The following ICE1 variants were observed in gnomAD, a reference collection of about 807,000 sequenced individuals.
ICE1 encodes the protein interactor of little elongation complex ELL subunit 1.
In ICE1, 64 loss-of-function variants were observed where a neutral mutation model predicts 192.7. The ratio of observed to expected loss-of-function variants is 0.33; its 90% CI spans 0.27 to 0.41. The LOEUF (loss-of-function observed/expected upper bound fraction) is 0.41. Ranked by LOEUF, ICE1 falls within the 10% of genes least tolerant of loss-of-function variation. The probability of loss-of-function intolerance (pLI) is 1.00; values close to 1 mark genes in which losing one functional copy is unlikely to be tolerated. For missense variants in ICE1, 2,708 were observed against 2,696.0 expected, an observed-to-expected ratio of 1.00 and a Z score of -0.10; for synonymous variants, 1,010 against 984.5, an observed-to-expected ratio of 1.03 and a Z score of -0.49.
Position 5,461,863 on chromosome 5 carries a change from T to C in ICE1, c.2529T>C (p.Asn843=), listed in dbSNP as rs72646682. 3,837 of 1,613,870 alleles carry C rather than the reference T, an allele frequency of 2.4e-3. 11 individuals are homozygous for C. Among genetic ancestry groups the C allele is most frequent in the Non-Finnish European group, 2.9e-3 (3,435 of 1,179,882 alleles). ...PKPDLLRENN[N]PVEFKTTASV... Reference sequence around the variant, plus strand: ...CTGATCTTCTTAGAGAAAATAACAATCCTGTAGAATTCAAGACCACTGCAT... The same window carrying C: ...CTGATCTTCTTAGAGAAAATAACAACCCTGTAGAATTCAAGACCACTGCAT... The change falls in exon 13 of 19, where the codon AAT becomes AAC. Residue 843 remains asparagine (N), a synonymous_variant. Coordinates refer to ENST00000296564, the MANE Select transcript of ICE1 (RefSeq NM_015325.3).
chr5:5,481,256 G>T (rs538076327), intron 17 of ICE1, among the ~76,000 whole-genome samples: 19 of 152,058 alleles, frequency 1.2e-4, no homozygotes, highest in South Asian at 6.2e-4. Context: ...AAAACAATAT[G>T]GTATTTTTTT....
intron 16 of ICE1, among the ~76,000 whole-genome samples, chr5:5,474,547 GCTCT>G (rs1358926859): frequency 6.6e-6 from 1 of 152,172 alleles, no homozygotes; most frequent in Non-Finnish European, 1.5e-5. Context: ...AGAAAATTAA[GCTCT>G]CTGACATTCA....
chr5:5,448,735 C>T (rs1348705834), intron 10 of ICE1, among the ~76,000 whole-genome samples: 2 of 152,026 alleles, frequency 1.3e-5, no homozygotes, highest in Non-Finnish European at 2.9e-5. Context: ...TAGAAGTCAC[C>T]TTTACCTTTT....
In ICE1 at chr5:5,480,484, G is replaced by A. The variant is rs1172386864; in HGVS notation, c.6520+4405G>A. On this transcript the variant is annotated intron_variant, in intron 17 of 18. Transcript: ENST00000296564. ...AGGATGGTCTCGATCTCCTGACCTC[G>A]TGATCCACCCACCTCGGCCTCCCAA... is the stretch of plus-strand genomic sequence containing the variant. Among the ~76,000 whole-genome samples, 11 of 152,064 alleles carry A rather than the reference G, an allele frequency of 7.2e-5. No homozygotes were observed. The South Asian group carries it at 1.7e-3, about 23-fold the overall frequency.
intron 1 of ICE1, among the ~76,000 whole-genome samples, chr5:5,424,130 G>A (rs1737439539): frequency 6.6e-6 from 1 of 152,194 alleles, no homozygotes; most frequent in Non-Finnish European, 1.5e-5. Context: ...AGCAGAACAT[G>A]GTATGGTTGG....
intron 17 of ICE1, among the ~76,000 whole-genome samples, chr5:5,484,742 C>T (rs1157981144): frequency 2.6e-5 from 4 of 152,168 alleles, no homozygotes; most frequent in Admixed American, 6.5e-5. Flanking sequence ...ATTACTTAAG[C>T]GTCCCATGCC....
At position 5,447,429 on chromosome 5, in the gene ICE1, G is replaced by A. The variant is rs762351006; in HGVS notation, c.427G>A (p.Ala143Thr). ...LEAKVKKLQE[A>T]AVKQTQDFKQ... ...CTATTGCTTCATTGGACTTAAAGAG[G>A]CTGCTGTCAAGCAAACTCAGGACTT... is the stretch of plus-strand genomic sequence containing the variant. The change falls in exon 8 of 19, where the codon GCT becomes ACT. Residue 143 changes from alanine (A) to threonine (T), a missense_variant and splice_region_variant. Coordinates refer to ENST00000296564, the MANE Select transcript of ICE1 (RefSeq NM_015325.3). 7 of 1,550,134 alleles carry A rather than the reference G, an allele frequency of 4.5e-6. No individual in the cohort carries two copies. The highest frequency in any genetic ancestry group is 8.7e-7 in the Non-Finnish European group (1 of 1,145,776).
In ICE1 at chr5:5,463,265, T is replaced by C; in HGVS notation, c.3931T>C (p.Ser1311Pro). The stretch of plus-strand genomic sequence containing the variant: ...AAGTCCATTTCGGGAAACGACTGGC[T>C]CCTCATCACATGCTTCAGAACCAAC... ...EKSPFRETTG[S>P]SSHASEPTPQ... The change falls in exon 13 of 19, where the codon TCC (serine) becomes CCC (proline). Residue 1311 changes from serine to proline, a missense_variant. By Grantham distance (74) the Ser-to-Pro change is moderately conservative (BLOSUM62 -1). Around this residue, in one of 2 missense-constraint regions of ICE1, gnomAD observed 2,366 missense variants for 2,276.6 expected, o/e 1.04. Transcript: ENST00000296564. 4 of 1,613,232 alleles carry C rather than the reference T, an allele frequency of 2.5e-6. No homozygotes were observed. Among genetic ancestry groups the C allele is most frequent in the Non-Finnish European group, 3.4e-6 (4 of 1,179,684 alleles).
chr5:5,463,158 A>G lies in ICE1; in HGVS notation c.3824A>G (p.Glu1275Gly). The change falls in exon 13 of 19, where the codon GAA (glutamate) becomes GGA (glycine). Residue 1275 changes from glutamate (E) to glycine (G), a missense_variant. Glu to Gly is a moderately conservative substitution (Grantham distance 98). Around this residue, in one of 2 missense-constraint regions of ICE1, gnomAD observed 2,366 missense variants for 2,276.6 expected, o/e 1.04. Coordinates refer to ENST00000296564, the MANE Select transcript of ICE1 (RefSeq NM_015325.3). ...KIRQELQTNS[E>G]DCNGKDTGSL... ...AGGCAAGAACTTCAAACAAATTCTGAAGATTGCAATGGTAAAGATACTGGC... is the reference window on the plus strand; with the variant it reads ...AGGCAAGAACTTCAAACAAATTCTGGAGATTGCAATGGTAAAGATACTGGC... 1.2e-6 allele frequency: 2 copies of G among 1,612,418 alleles called. No homozygotes were observed. Among genetic ancestry groups the G allele is most frequent in the Non-Finnish European group, 1.7e-6 (2 of 1,179,294 alleles).
At chr5:5,479,198 A>G (rs1038465279) in intron 17 of ICE1, among the ~76,000 whole-genome samples, 1 of 152,238 alleles carries the variant, frequency 6.6e-6, no homozygotes, top group Non-Finnish European at 1.5e-5. Flanking sequence ...CAATCTATCC[A>G]TCTGACAAAG....
At chr5:5,484,905 G>A (rs150097939) in intron 17 of ICE1, among the ~76,000 whole-genome samples, 1,777 of 152,260 alleles carry the variant, frequency 0.012, 11 homozygotes, top group Non-Finnish European at 0.019. Context: ...AGATATGTTC[G>A]CAATTCTCCT....
intron 10 of ICE1, among the ~76,000 whole-genome samples, chr5:5,451,206 T>C (rs571405347): frequency 3.9e-4 from 60 of 152,270 alleles, no homozygotes; most frequent in African/African-American, 1.4e-3. Context: ...ATTGAAATAC[T>C]AAACTGTTTT....
chr5:5,487,611 T>G (rs1462283214), intron 18 of ICE1, among the ~76,000 whole-genome samples: 3 of 152,244 alleles, frequency 2.0e-5, no homozygotes, highest in Non-Finnish European at 2.9e-5. Flanking sequence ...GGATAGCTGC[T>G]GAAGTGGTAC....
rs1188356320 is a variant in ICE1 at position 5,437,118 on chromosome 5, T to C, written c.178+4T>C. 1 of 1,534,792 alleles carries C rather than the reference T, an allele frequency of 6.5e-7. No individual in the cohort carries two copies. Among genetic ancestry groups the C allele is most frequent in the Non-Finnish European group, 8.9e-7 (1 of 1,126,124 alleles). ...GAATATCAGAAGAAATGTGATGATA[T>C]CCTTTTACTGGCTTTTTCTGTTGAG... On this transcript the variant is annotated splice_donor_region_variant and intron_variant, in intron 3 of 18. Coordinates refer to ENST00000296564, the MANE Select transcript of ICE1 (RefSeq NM_015325.3).
Position 5,447,482 on chromosome 5 carries a change from A to G in ICE1, c.480A>G (p.Ile160Met). ...DFKQLRNEKK[I>M]LEKEFKKTQE... ...AGCAACTGAGAAATGAAAAGAAAAT[A>G]CTTGAAAAGGAATTTAAGAAGACAC... The change falls in exon 8 of 19, where the codon ATA (isoleucine) becomes ATG (methionine). Residue 160 changes from isoleucine to methionine, a missense_variant. Physicochemically the swap from Ile to Met is conservative, Grantham distance 10. This residue lies in a region of ICE1 where 2,366 missense variants were observed against 2,276.6 expected (regional missense o/e 1.04). Transcript: ENST00000296564. The G allele has an allele frequency of 6.4e-7, 1 of 1,552,380 alleles. No homozygotes were observed. The highest frequency in any genetic ancestry group is 8.7e-7 in the Non-Finnish European group (1 of 1,147,254).
Position 5,462,095 on chromosome 5 carries a change from G to A in ICE1, c.2761G>A (p.Val921Met), listed in dbSNP as rs765773867. The change falls in exon 13 of 19, where the codon GTG becomes ATG. Residue 921 changes from valine to methionine, a missense_variant. This residue lies in a region of ICE1 where 2,366 missense variants were observed against 2,276.6 expected (regional missense o/e 1.04). Coordinates refer to ENST00000296564, the MANE Select transcript of ICE1 (RefSeq NM_015325.3). The stretch of plus-strand genomic sequence containing the variant: ...ACAAAACATCACGGAGGTGGCTGCT[G>A]TGAAAAGCATTTCACCAGAAGTTTC... ...TTQNITEVAA[V>M]KSISPEVSAS... 3 of 1,613,862 alleles carry A rather than the reference G, an allele frequency of 1.9e-6. No individual in the cohort carries two copies. Among genetic ancestry groups the A allele is most frequent in the Non-Finnish European group, 2.5e-6 (3 of 1,179,808 alleles).
Position 5,464,469 on chromosome 5 carries a change from C to A in ICE1, c.5135C>A (p.Ser1712Tyr). The part of the protein sequence containing the change: ...AASASERVVP[S>Y]PLQFCAATPK... Reference sequence around the variant, plus strand: ...TCAGCCAGTGAGAGGGTAGTGCCGTCTCCTCTGCAGTTCTGTGCGGCCACG... The same window carrying A: ...TCAGCCAGTGAGAGGGTAGTGCCGTATCCTCTGCAGTTCTGTGCGGCCACG... The change falls in exon 13 of 19, where the codon TCT (serine) becomes TAT (tyrosine). Residue 1712 changes from serine (S) to tyrosine (Y), a missense_variant. Physicochemically the swap from Ser to Tyr is moderately radical, Grantham distance 144. Coordinates refer to ENST00000296564, the MANE Select transcript of ICE1 (RefSeq NM_015325.3). The surrounding 1 kb of genome is among the most constrained non-coding windows in gnomAD (Gnocchi z 4.0). 1 of 1,613,946 alleles carries A rather than the reference C, an allele frequency of 6.2e-7. No individual in the cohort carries two copies. The highest frequency in any genetic ancestry group is 8.5e-7 in the Non-Finnish European group (1 of 1,179,886).
chr5:5,472,531 C>T (rs1276130431), intron 15 of ICE1, among the ~76,000 whole-genome samples: 8 of 152,088 alleles, frequency 5.3e-5, no homozygotes, highest in African/African-American at 1.2e-4. Context: ...GCTCAGGTTG[C>T]GAAGTCACTG....
intron 1 of ICE1, 32 bp from the exon 2 acceptor site, chr5:5,436,385 TA>T: frequency 1.5e-6 from 2 of 1,333,132 alleles, no homozygotes; most frequent in African/African-American, 1.5e-5. Context: ...AAGTAATTGA[TA>T]AAAAAGCTGA....
Sources: gnomAD v4.1 joint callset for allele counts (sites outside exome capture counted in the v4.1 genomes callset) on GRCh38, gnomAD v4.1.1 for gene constraint, gnomAD v4.1.1 regional missense constraint, Gnocchi (gnomAD v3.1) non-coding constraint, MANE v1.5 for transcripts, NCBI Gene and HGNC (gene_info 2026-07-23, HGNC 2026-07-21) for gene names.